ZC3H12C: variants seen among roughly 807,000 people sequenced by gnomAD.
The protein encoded by ZC3H12C is probable ribonuclease ZC3H12C.
A neutral mutation model predicts 76.3 loss-of-function variants in ZC3H12C; 20 were observed. The ratio of observed to expected loss-of-function variants is 0.26; its 90% CI spans 0.18 to 0.38. The LOEUF is 0.38. ZC3H12C is among the 10% of genes least tolerant of loss of function. ZC3H12C has a pLI of 1.00. For synonymous variants in ZC3H12C, 352 were observed against 399.6 expected (o/e 0.88, Z 1.42); for missense variants, 874 against 1,086.5 (o/e 0.80, Z 2.75).
chr11:110,169,767 A>G lies in ZC3H12C; in HGVS notation c.*4030A>G, dbSNP rs1862643373. On this transcript the variant is annotated 3_prime_UTR_variant, in exon 6 of 6. Coordinates refer to ENST00000278590, the MANE Select transcript of ZC3H12C (RefSeq NM_033390.2). ...TGTTAATAAAAGTAAAGAAACATAC[A>G]CTATCTTAGCCCCCTAGGGCAGGGG... 1 of 152,228 alleles carries G rather than the reference A, an allele frequency of 6.6e-6. No individual in the cohort carries two copies. The highest frequency in any genetic ancestry group is 2.1e-4 in the South Asian group (1 of 4,834). 9.4% of individuals were successfully genotyped at this position (152,228 alleles called of 1,614,324 possible). A position where few individuals can be genotyped will look rare whatever the true frequency, so the allele number is the denominator to read the frequency against.
In ZC3H12C at chr11:110,165,783, A is replaced by T; in HGVS notation, c.*46A>T. 6.6e-7 allele frequency: 1 copy of T among 1,504,636 alleles called. No homozygotes were observed. The highest frequency in any genetic ancestry group is 8.9e-7 in the Non-Finnish European group (1 of 1,121,436). The allele number at this position is 1,504,636 out of a possible 1,614,324, so 93.2% of individuals were successfully genotyped here. On this transcript the variant is annotated 3_prime_UTR_variant, in exon 6 of 6. Coordinates refer to ENST00000278590, the MANE Select transcript of ZC3H12C (RefSeq NM_033390.2). ...TGTTTAGTAGTTTTTTGTTCAGCTCAAATGCTGAGGGAGGTTTGCTACAAT... is the reference window on the plus strand; with the variant it reads ...TGTTTAGTAGTTTTTTGTTCAGCTCTAATGCTGAGGGAGGTTTGCTACAAT...
Position 110,137,313 on chromosome 11 carries a change from C to T in ZC3H12C, c.672C>T (p.Ser224=), listed in dbSNP as rs552641134. 87 of 1,613,858 alleles carry T rather than the reference C, an allele frequency of 5.4e-5. 2 individuals are homozygous for T. The South Asian group carries it at 6.9e-4, about 13-fold the overall frequency. ...ACACTATAACACGGGAAACTTCTTC[C>T]CTGGAATCTCAGAGGTCTGAATCTC... ...TINTITRETS[S]LESQRSESPM... is the part of the protein sequence containing the mutation. Residue 224 remains serine, a synonymous_variant, in exon 2 of 6, where the codon TCC becomes TCT. Coordinates refer to ENST00000278590, the MANE Select transcript of ZC3H12C (RefSeq NM_033390.2).
At chr11:110,163,702 T>G (rs1432547947) in intron 5 of ZC3H12C, among the ~76,000 whole-genome samples, 1 of 152,102 alleles carries the variant, frequency 6.6e-6, no homozygotes, top group African/African-American at 2.4e-5. Flanking sequence ...CGCCCTACAG[T>G]AGTATACTGT....
At chr11:110,093,742 C>T (rs1385227892) in intron 1 of ZC3H12C, among the ~76,000 whole-genome samples, 1 of 152,090 alleles carries the variant, frequency 6.6e-6, no homozygotes, top group African/African-American at 2.4e-5. Context: ...AGGCACCGGT[C>T]CCCGCCCGCC....
chr11:110,111,944 A>T (rs897946955), intron 1 of ZC3H12C, among the ~76,000 whole-genome samples: 16 of 146,182 alleles, frequency 1.1e-4, no homozygotes, highest in African/African-American at 3.8e-4. Flanking sequence ...CCCATCTTTC[A>T]GTGCATGTGC....
rs1479625734 is a variant in ZC3H12C at position 110,165,354 on chromosome 11, T to C, written c.2269T>C (p.Tyr757His). 2 of 1,614,026 alleles carry C rather than the reference T, an allele frequency of 1.2e-6. No individual in the cohort carries two copies. The highest frequency in any genetic ancestry group is 8.5e-7 in the Non-Finnish European group (1 of 1,179,888). Residue 757 changes from tyrosine to histidine, a missense_variant, in exon 6 of 6, where the codon TAT becomes CAT. Around this residue, in one of 3 missense-constraint regions of ZC3H12C, gnomAD observed 395 missense variants for 434.4 expected, o/e 0.91. Transcript: ENST00000278590. ...AGACAGCATCTCTGACTCTCGACTT[T>C]ATGACAGTTCTCCTTCACGACAAAG... ...RIDSISDSRL[Y>H]DSSPSRQRKP...
At chr11:110,153,254 C>T (rs1356950380) in intron 3 of ZC3H12C, among the ~76,000 whole-genome samples, 196 bp downstream of exon 3, 2 of 152,204 alleles carry the variant, frequency 1.3e-5, no homozygotes, top group Non-Finnish European at 2.9e-5. Flanking sequence ...GTGGTACGAT[C>T]TTGGCTCACT....
At chr11:110,155,154 T>TGGCG (rs1374758642) in intron 3 of ZC3H12C, among the ~76,000 whole-genome samples, 1 of 152,028 alleles carries the variant, frequency 6.6e-6, no homozygotes, top group African/African-American at 2.4e-5. Context: ...CTGGGCCTGG[T>TGGCG]GGCGGGCACC....
Position 110,128,889 on chromosome 11 carries a change from CAAA to C in ZC3H12C, c.22-7754_22-7752del, listed in dbSNP as rs145436449. The stretch of plus-strand genomic sequence containing the variant: ...CAAAAAGAACTATCACCACCACTAA[CAAA>C]AAAAAAAAAAAAAAAAAAAGAGATA... On this transcript the variant is annotated intron_variant, in intron 1 of 5. Coordinates refer to ENST00000278590, the MANE Select transcript of ZC3H12C (RefSeq NM_033390.2). Among the ~76,000 whole-genome samples, 789 of 94,154 alleles carry C rather than the reference CAAA, an allele frequency of 8.4e-3. 6 individuals are homozygous for C. Among genetic ancestry groups the C allele is most frequent in the African/African-American group, 0.027 (730 of 27,258 alleles). 61.8% of individuals were successfully genotyped at this position (94,154 alleles called of 152,430 possible).
rs1462247082 is a variant in ZC3H12C at position 110,137,175 on chromosome 11, G to A, written c.534G>A (p.Gln178=). ...FALKLGYSEE[Q]VQLVLNKLGT... ...TTAAGTTAGGTTATTCTGAAGAACA[G>A]GTTCAGCTTGTACTAAACAAACTTG... The change falls in exon 2 of 6, where the codon CAG becomes CAA. Residue 178 remains glutamine, a synonymous_variant. Transcript: ENST00000278590. The A allele has an allele frequency of 1.2e-6, 2 of 1,613,732 alleles. No homozygotes were observed. The highest frequency in any genetic ancestry group is 1.7e-6 in the Non-Finnish European group (2 of 1,179,856).
At chr11:110,130,792 AC>A (rs1388909767) in intron 1 of ZC3H12C, among the ~76,000 whole-genome samples, 6 of 152,136 alleles carry the variant, frequency 3.9e-5, no homozygotes, top group Admixed American at 2.6e-4. Context: ...GTTGCTGCAC[AC>A]CCCTCGTTAA....
Position 110,112,544 on chromosome 11 carries a change from A to G in ZC3H12C, c.21+19112A>G, listed in dbSNP as rs191389411. Among the ~76,000 whole-genome samples, 295 of 152,346 alleles carry G rather than the reference A, an allele frequency of 1.9e-3. 1 individual carries two copies. Among genetic ancestry groups the G allele is most frequent in the Non-Finnish European group, 3.8e-3 (257 of 68,032 alleles). ...GAGATAATGGAAGGAGCAACTAGGA[A>G]TAAAGTATTTAGATTGCCAAATGGC... On this transcript the variant is annotated intron_variant, in intron 1 of 5. Coordinates refer to ENST00000278590, the MANE Select transcript of ZC3H12C (RefSeq NM_033390.2).
intron 3 of ZC3H12C, among the ~76,000 whole-genome samples, chr11:110,157,128 G>A (rs1410174783): frequency 2.7e-5 from 4 of 150,128 alleles, no homozygotes; most frequent in Non-Finnish European, 5.9e-5. Context: ...GCAGTGAGCT[G>A]AGATCGCACC....
At chr11:110,145,605 G>GA (rs2134184982) in intron 2 of ZC3H12C, among the ~76,000 whole-genome samples, 1 of 143,210 alleles carries the variant, frequency 7.0e-6, no homozygotes, top group African/African-American at 2.7e-5. Context: ...AATTGGGGGC[G>GA]GGGGGGAGTT....
chr11:110,118,128 CAT>C (rs144815556), intron 1 of ZC3H12C, among the ~76,000 whole-genome samples: 1,627 of 147,642 alleles, frequency 0.011, 38 homozygotes, highest in African/African-American at 0.037. Flanking sequence ...TTTATACACA[CAT>C]ATATATATAT....
At chr11:110,122,381 T>C (rs947026268) in intron 1 of ZC3H12C, among the ~76,000 whole-genome samples, 1 of 152,196 alleles carries the variant, frequency 6.6e-6, no homozygotes, top group Non-Finnish European at 1.5e-5. Context: ...TTATACTTAA[T>C]ATAACCACGA....
chr11:110,108,313 C>T (rs1395016782), intron 1 of ZC3H12C, among the ~76,000 whole-genome samples: 1 of 152,152 alleles, frequency 6.6e-6, no homozygotes, highest in African/African-American at 2.4e-5. Context: ...CCTTAGATAT[C>T]TTTGCAAGAG....
intron 2 of ZC3H12C, among the ~76,000 whole-genome samples, chr11:110,147,763 C>T (rs1044903315): frequency 1.3e-5 from 2 of 152,162 alleles, no homozygotes; most frequent in African/African-American, 4.8e-5. Flanking sequence ...CAACCTAATA[C>T]CTTAATTCTA....
chr11:110,130,548 T>A (rs866845735), intron 1 of ZC3H12C, among the ~76,000 whole-genome samples: 5 of 152,320 alleles, frequency 3.3e-5, no homozygotes, highest in African/African-American at 1.2e-4. Context: ...TTGACACACT[T>A]CATTTTCTTT....
Sources: gnomAD v4.1 joint callset for allele counts (sites outside exome capture counted in the v4.1 genomes callset) on GRCh38, gnomAD v4.1.1 for gene constraint, gnomAD v4.1.1 regional missense constraint, MANE v1.5 for transcripts, NCBI Gene and HGNC (gene_info 2026-07-23, HGNC 2026-07-21) for gene names.